ABCA1: variants seen among roughly 807,000 people sequenced by gnomAD.
ABCA1 encodes the protein ATP binding cassette subfamily A member 1.
A neutral mutation model predicts 262.5 loss-of-function variants in ABCA1; 133 were observed. The ratio of observed to expected loss-of-function variants is 0.51; its 90% CI spans 0.44 to 0.59. The LOEUF (loss-of-function observed/expected upper bound fraction) is 0.59. ABCA1 is among the 20% of genes least tolerant of loss of function. ABCA1 has a pLI of 0.00. For synonymous variants in ABCA1, 1,022 were observed against 1,043.5 expected (o/e 0.98, Z 0.40); for missense variants, 2,452 against 2,777.5 (o/e 0.88, Z 2.63).
chr9:104,827,343 A>T (rs928149567), intron 15 of ABCA1, among the ~76,000 whole-genome samples, 174 bp from the exon 16 acceptor site: 8 of 152,226 alleles, frequency 5.3e-5, no homozygotes, highest in Non-Finnish European at 8.8e-5. Context: ...TAAAGAAGAT[A>T]AGTGACTTAC....
intron 2 of ABCA1, among the ~76,000 whole-genome samples, chr9:104,896,506 A>G (rs576295092): frequency 6.2e-4 from 94 of 152,238 alleles, no homozygotes; most frequent in South Asian, 1.2e-3. Flanking sequence ...GAGCTTGATA[A>G]GGTAATAACA....
rs1286393825 is a variant in ABCA1 at position 104,819,929 on chromosome 9, G to A, written c.3101C>T (p.Ser1034Leu). 1 of 1,612,986 alleles carries A rather than the reference G, an allele frequency of 6.2e-7. No homozygotes were observed. Among genetic ancestry groups the A allele is most frequent in the African/African-American group, 1.3e-5 (1 of 74,904 alleles). Residue 1034 changes from serine to leucine, a missense_variant and splice_region_variant, in exon 21 of 50, where the codon TCA becomes TTA. Around this residue, in one of 4 missense-constraint regions of ABCA1, gnomAD observed 665 missense variants for 727.3 expected, o/e 0.91. Coordinates refer to ENST00000374736, the MANE Select transcript of ABCA1 (RefSeq NM_005502.4). ...SKLKSKTSQL[S>L]GGMQRKLSVA... ...GGGAAGGTAGCTCTGGGCCGCACCT[G>A]ACAGCTGGCTTGTTTTGCTTTTCAG...
intron 7 of ABCA1, among the ~76,000 whole-genome samples, chr9:104,851,584 C>T (rs1835382778): frequency 6.6e-6 from 1 of 152,192 alleles, no homozygotes; most frequent in East Asian, 1.9e-4. Flanking sequence ...CTTTAGGTCC[C>T]CACTTAGAGG....
chr9:104,796,444 C>A lies in ABCA1; in HGVS notation c.5122-20G>T. 6.3e-7 allele frequency: 1 copy of A among 1,586,472 alleles called. No individual in the cohort carries two copies. Among genetic ancestry groups the A allele is most frequent in the Non-Finnish European group, 8.6e-7 (1 of 1,156,702 alleles). ...ATTGCACTAAAAGTGAAAACAAAGA[C>A]ATCCAGTTCACCCCTAAATCAAATA... On this transcript the variant is annotated intron_variant, in intron 37 of 49. Transcript: ENST00000374736.
At chr9:104,842,399 A>T (rs1834457869) in intron 8 of ABCA1, among the ~76,000 whole-genome samples, 1 of 152,198 alleles carries the variant, frequency 6.6e-6, no homozygotes, top group Non-Finnish European at 1.5e-5. Flanking sequence ...CTCTTTCCAC[A>T]GGCAGCCTCA....
At chr9:104,840,150 C>T in intron 9 of ABCA1, 129 bp downstream of exon 9, 1 of 1,509,984 alleles carries the variant, frequency 6.6e-7, no homozygotes, top group Non-Finnish European at 9.0e-7. Context: ...AGGAAGAGCT[C>T]AGTCTGGTGG....
intron 1 of ABCA1, among the ~76,000 whole-genome samples, chr9:104,923,826 G>C (rs1464836802): frequency 6.6e-6 from 1 of 152,166 alleles, no homozygotes; most frequent in Non-Finnish European, 1.5e-5. Flanking sequence ...GATCACTTGA[G>C]CCCAGGAGTT....
In ABCA1 at chr9:104,836,989, G is replaced by A. The variant is rs372030899; in HGVS notation, c.1302C>T (p.Asp434=). 1.9e-6 allele frequency: 3 copies of A among 1,613,468 alleles called. No homozygotes were observed. The highest frequency in any genetic ancestry group is 2.5e-6 in the Non-Finnish European group (3 of 1,179,398). ...WTFMENSQEM[D]LVRMLLDSRD... ...TGGGAGGGACACTCACCCGGACAAGGTCCATTTCTTGGCTGTTCTCCATGA... is the reference window on the plus strand; with the variant it reads ...TGGGAGGGACACTCACCCGGACAAGATCCATTTCTTGGCTGTTCTCCATGA... Residue 434 remains aspartate, a synonymous_variant, in exon 11 of 50, where the codon GAC becomes GAT. Transcript: ENST00000374736.
At chr9:104,822,014 G>A (rs905724691) in intron 19 of ABCA1, among the ~76,000 whole-genome samples, 6 of 152,124 alleles carry the variant, frequency 3.9e-5, no homozygotes, top group Admixed American at 6.5e-5. Context: ...TTGAGGAATC[G>A]TGCTGGAAGC....
intron 1 of ABCA1, among the ~76,000 whole-genome samples, chr9:104,909,406 G>A (rs1841361417): frequency 6.6e-6 from 1 of 152,120 alleles, no homozygotes; most frequent in Non-Finnish European, 1.5e-5. Context: ...GCAGAGTAAG[G>A]GGACAGAGAG....
At chr9:104,907,153 G>T (rs1344418085) in intron 1 of ABCA1, among the ~76,000 whole-genome samples, 1 of 152,224 alleles carries the variant, frequency 6.6e-6, no homozygotes, top group Non-Finnish European at 1.5e-5. Flanking sequence ...CCCTGGAGAT[G>T]TGTATACAGG....
At chr9:104,801,191 A>G (rs1830303913) in intron 34 of ABCA1, among the ~76,000 whole-genome samples, 1 of 151,616 alleles carries the variant, frequency 6.6e-6, no homozygotes, top group African/African-American at 2.4e-5. Flanking sequence ...CAGTTTATTT[A>G]CCAACTGACC....
At chr9:104,872,792 T>G (rs989474271) in intron 5 of ABCA1, among the ~76,000 whole-genome samples, 2 of 152,192 alleles carry the variant, frequency 1.3e-5, no homozygotes, top group Non-Finnish European at 2.9e-5. Context: ...TAAATAAACC[T>G]TATGCTGGAA....
chr9:104,841,526 C>T (rs1164204176), intron 8 of ABCA1, among the ~76,000 whole-genome samples: 1 of 152,196 alleles, frequency 6.6e-6, no homozygotes, highest in Non-Finnish European at 1.5e-5. Flanking sequence ...TGAAAAGTCA[C>T]GTCATGTCTC....
At chr9:104,909,433 AT>A (rs1167689218) in intron 1 of ABCA1, among the ~76,000 whole-genome samples, 4 of 152,310 alleles carry the variant, frequency 2.6e-5, no homozygotes, top group Non-Finnish European at 4.4e-5. Flanking sequence ...GGTGGAAGTT[AT>A]TCCTTTCTGA....
intron 2 of ABCA1, among the ~76,000 whole-genome samples, chr9:104,897,695 C>T (rs1840333669): frequency 6.6e-6 from 1 of 152,168 alleles, no homozygotes; most frequent in Admixed American, 6.5e-5. Flanking sequence ...TTCCACCTGC[C>T]AGGTTCAAGC....
At chr9:104,805,551 A>G (rs967003381) in intron 31 of ABCA1, among the ~76,000 whole-genome samples, 2 of 152,148 alleles carry the variant, frequency 1.3e-5, no homozygotes, top group Admixed American at 6.5e-5. Flanking sequence ...CTCCTTCCCA[A>G]ACAGAGTCTC....
At chr9:104,891,273 A>C (rs1443279895) in intron 2 of ABCA1, among the ~76,000 whole-genome samples, 1 of 152,204 alleles carries the variant, frequency 6.6e-6, no homozygotes, top group South Asian at 2.1e-4. Flanking sequence ...CTTTTAAAAA[A>C]TCTTTTTGGC....
chr9:104,798,472 G>A lies in ABCA1; in HGVS notation c.5070C>T (p.Ile1690=). 1 of 1,614,204 alleles carries A rather than the reference G, an allele frequency of 6.2e-7. No individual in the cohort carries two copies. The highest frequency in any genetic ancestry group is 2.2e-5 in the East Asian group (1 of 44,892). Residue 1690 remains isoleucine, a synonymous_variant, in exon 37 of 50, where the codon ATC becomes ATT. Coordinates refer to ENST00000374736, the MANE Select transcript of ABCA1 (RefSeq NM_005502.4). ...RVSKAKHLQF[I]SGVKPVIYWL... is the part of the protein sequence containing the mutation. ...AGTAGATGACAGGCTTCACTCCACT[G>A]ATGAACTGCAGGTGTTTTGCTTTGC...
Sources: allele counts gnomAD v4.1 joint callset (sites outside exome capture counted in the v4.1 genomes callset), GRCh38; gene constraint gnomAD v4.1.1; regional missense constraint gnomAD v4.1.1; transcripts MANE v1.5; gene names NCBI Gene and HGNC (gene_info 2026-07-23, HGNC 2026-07-21).